The following ARHGAP15 variants were observed in gnomAD, a reference collection of about 807,000 sequenced individuals.
The protein encoded by ARHGAP15 is Rho GTPase activating protein 15.
In ARHGAP15, 51 loss-of-function variants were observed where a neutral mutation model predicts 63.7. That is an observed-to-expected ratio of 0.80 (90% CI 0.64 to 1.01). The LOEUF (loss-of-function observed/expected upper bound fraction) is 1.01, where lower values mean the gene tolerates loss of function less well. Ranked by LOEUF, ARHGAP15 falls within the 50% of genes least tolerant of loss-of-function variation. The pLI is 0.00. For synonymous variants in ARHGAP15, 191 were observed against 193.8 expected (o/e 0.99, Z 0.12); for missense variants, 560 against 564.6 (o/e 0.99, Z 0.08).
At chr2:143,565,611 C>T (rs1304866373) in intron 11 of ARHGAP15, among the ~76,000 whole-genome samples, 5 of 152,166 alleles carry the variant, frequency 3.3e-5, no homozygotes, top group Non-Finnish European at 7.4e-5. Context: ...TAAGTTAGCA[C>T]TTAATTTTAG....
At chr2:143,176,623 A>G (rs1158162617) in intron 2 of ARHGAP15, among the ~76,000 whole-genome samples, 1 of 152,218 alleles carries the variant, frequency 6.6e-6, no homozygotes, top group Non-Finnish European at 1.5e-5. Context: ...TTGTAAACGT[A>G]GAAACCCCAT....
chr2:143,545,223 G>T (rs888660211), intron 10 of ARHGAP15, among the ~76,000 whole-genome samples: 1 of 152,114 alleles, frequency 6.6e-6, no homozygotes, highest in Non-Finnish European at 1.5e-5. Flanking sequence ...GCTTAGCAGA[G>T]GCAAGCCATC....
chr2:143,551,412 C>T (rs767191282), intron 10 of ARHGAP15, among the ~76,000 whole-genome samples: 3 of 152,110 alleles, frequency 2.0e-5, no homozygotes, highest in Non-Finnish European at 4.4e-5. Context: ...GCCTTGGCCT[C>T]CCAAAGTGCT....
chr2:143,684,892 G>A (rs985733217), intron 12 of ARHGAP15, among the ~76,000 whole-genome samples: 1 of 152,154 alleles, frequency 6.6e-6, no homozygotes, highest in African/African-American at 2.4e-5. Context: ...CCATCTGTCC[G>A]AAGAGAGACC....
Position 143,416,802 on chromosome 2 carries a change from G to A in ARHGAP15, c.475-18799G>A, listed in dbSNP as rs370508187. Reference sequence around the variant, plus strand: ...ACCCTGCCTCTGCCCTTGCTTCCCTGCCTGCCACTTCCCCCACCACCCCCC... The same window carrying A: ...ACCCTGCCTCTGCCCTTGCTTCCCTACCTGCCACTTCCCCCACCACCCCCC... On this transcript the variant is annotated intron_variant, in intron 6 of 13. Coordinates refer to ENST00000295095, the MANE Select transcript of ARHGAP15 (RefSeq NM_018460.4). 2.9e-3 allele frequency among the ~76,000 whole-genome samples: 430 copies of A among 148,274 alleles called. 5 individuals are homozygous for A. The highest frequency in any genetic ancestry group is 0.01 in the African/African-American group (411 of 39,928).
At chr2:143,527,128 T>C (rs922459970) in intron 10 of ARHGAP15, among the ~76,000 whole-genome samples, 8 of 152,096 alleles carry the variant, frequency 5.3e-5, no homozygotes, top group African/African-American at 1.9e-4. Context: ...AATGACATTT[T>C]CCAAGGGATT....
intron 11 of ARHGAP15, among the ~76,000 whole-genome samples, chr2:143,568,736 C>A (rs1463669973): frequency 6.6e-6 from 1 of 152,140 alleles, no homozygotes; most frequent in South Asian, 2.1e-4. Flanking sequence ...CAGCACTATT[C>A]ACAATAGCAA....
At chr2:143,441,839 T>A (rs1236248834) in intron 8 of ARHGAP15, among the ~76,000 whole-genome samples, 2 of 152,158 alleles carry the variant, frequency 1.3e-5, no homozygotes, top group Admixed American at 1.3e-4. Context: ...AAAAAACAAA[T>A]GTGTTCTGGG....
At chr2:143,575,664 C>T (rs1696652133) in intron 11 of ARHGAP15, among the ~76,000 whole-genome samples, 1 of 152,110 alleles carries the variant, frequency 6.6e-6, no homozygotes, top group African/African-American at 2.4e-5. Flanking sequence ...GGGCACATTA[C>T]TCTTCTTAGC....
intron 12 of ARHGAP15, among the ~76,000 whole-genome samples, chr2:143,637,803 T>G (rs370082667): frequency 6.8e-6 from 1 of 147,942 alleles, no homozygotes; most frequent in African/African-American, 2.5e-5. Context: ...CAAATCTACA[T>G]GAAAAAAACA....
At chr2:143,483,984 T>C (rs1373749990) in intron 8 of ARHGAP15, among the ~76,000 whole-genome samples, 1 of 152,098 alleles carries the variant, frequency 6.6e-6, no homozygotes, top group African/African-American at 2.4e-5. Flanking sequence ...TTCCAGCACT[T>C]TGGGAGGATG....
At chr2:143,572,860 A>G (rs1414521318) in intron 11 of ARHGAP15, among the ~76,000 whole-genome samples, 2 of 152,332 alleles carry the variant, frequency 1.3e-5, no homozygotes, top group East Asian at 3.9e-4. Context: ...ACATACAACC[A>G]AAACACAAAG....
chr2:143,229,444 CAG>C (rs1242409766), intron 5 of ARHGAP15, among the ~76,000 whole-genome samples: 1 of 152,092 alleles, frequency 6.6e-6, no homozygotes, highest in Non-Finnish European at 1.5e-5. Context: ...AAAGATTTGA[CAG>C]TGATAATAAG....
chr2:143,733,811 TGGG>T (rs1386915386), intron 13 of ARHGAP15, among the ~76,000 whole-genome samples: 2 of 152,148 alleles, frequency 1.3e-5, no homozygotes, highest in African/African-American at 4.8e-5. Context: ...GGGGAGGACT[TGGG>T]GGAATATGTA....
At chr2:143,453,587 T>C (rs1423813965) in intron 8 of ARHGAP15, among the ~76,000 whole-genome samples, 1 of 152,038 alleles carries the variant, frequency 6.6e-6, no homozygotes, top group Admixed American at 6.6e-5. Flanking sequence ...GATAAATGAT[T>C]GAAATTCCTA....
intron 5 of ARHGAP15, among the ~76,000 whole-genome samples, chr2:143,246,557 T>A (rs546908695): frequency 1.2e-4 from 18 of 151,946 alleles, no homozygotes; most frequent in Non-Finnish European, 2.1e-4. Context: ...AGGTAGACAT[T>A]ATTTGTAATA....
intron 12 of ARHGAP15, 47 bp from the exon 13 acceptor site, chr2:143,703,372 T>A (rs1463193760): frequency 1.3e-6 from 2 of 1,537,310 alleles, no homozygotes. Flanking sequence ...CCTGTACCTA[T>A]GAAATCTTGT....
chr2:143,646,206 G>A (rs1032819064), intron 12 of ARHGAP15, among the ~76,000 whole-genome samples: 1 of 151,992 alleles, frequency 6.6e-6, no homozygotes, highest in Non-Finnish European at 1.5e-5. Context: ...GGGTAAGAAT[G>A]TCAGTGCATT....
chr2:143,215,906 T>C (rs923361102), intron 3 of ARHGAP15, among the ~76,000 whole-genome samples: 17 of 152,192 alleles, frequency 1.1e-4, no homozygotes, highest in Non-Finnish European at 1.8e-4. Context: ...TTGACCAAAA[T>C]ATATGAAATG....
Sources: gnomAD v4.1 joint callset for allele counts (sites outside exome capture counted in the v4.1 genomes callset) on GRCh38, gnomAD v4.1.1 for gene constraint, MANE v1.5 for transcripts, NCBI Gene and HGNC (gene_info 2026-07-23, HGNC 2026-07-21) for gene names.